Variants in UBAC2 observed in about 807,000 individuals in gnomAD.
The protein encoded by UBAC2 is ubiquitin-associated domain-containing protein 2.
UBAC2 carries 26 observed loss-of-function variants against 44.0 expected under a neutral mutation model. That is an observed-to-expected ratio of 0.59 (90% confidence interval 0.43 to 0.82). UBAC2 has a LOEUF of 0.82. Ranked by LOEUF, UBAC2 falls within the 40% of genes least tolerant of loss-of-function variation. The pLI, the probability that UBAC2 is intolerant of heterozygous loss-of-function variation, is 0.00. For missense variants in UBAC2, 329 were observed against 419.4 expected (o/e 0.78, Z 1.88); for synonymous variants, 155 against 154.3 (o/e 1.00, Z -0.04).
chr13:99,264,195 G>C (rs1246498613), intron 4 of UBAC2, among the ~76,000 whole-genome samples: 1 of 152,148 alleles, frequency 6.6e-6, no homozygotes, highest in Non-Finnish European at 1.5e-5. Context: ...TAAGCTTGAG[G>C]TTCCCTTACA....
Position 99,287,133 on chromosome 13 carries a change from G to T in UBAC2, c.390-26964G>T, listed in dbSNP as rs530115302. 1.7e-4 allele frequency among the ~76,000 whole-genome samples: 26 copies of T among 152,162 alleles called. No individual in the cohort carries two copies. In the South Asian group the frequency reaches 5.4e-3, roughly 32 times the overall value. On this transcript the variant is annotated intron_variant, in intron 4 of 8. Coordinates refer to ENST00000403766, the MANE Select transcript of UBAC2 (RefSeq NM_001144072.2). The stretch of plus-strand genomic sequence containing the variant: ...ACAAACTTCAAATAATTTGACAGTT[G>T]GATCCCTAATGGGACACTGGTTTCC...
chr13:99,379,359 AT>A (rs2045521426), intron 8 of UBAC2, among the ~76,000 whole-genome samples: 2 of 152,192 alleles, frequency 1.3e-5, no homozygotes, highest in Non-Finnish European at 2.9e-5. Context: ...CTGGCATCAG[AT>A]TTTTGTCAGC....
intron 4 of UBAC2, among the ~76,000 whole-genome samples, chr13:99,253,570 A>G (rs1313133313): frequency 4.6e-5 from 7 of 151,920 alleles, no homozygotes; most frequent in African/African-American, 7.3e-5. Flanking sequence ...CTGGAGTGCA[A>G]TGGCGCAATC....
chr13:99,291,887 C>T (rs948335522), intron 4 of UBAC2, among the ~76,000 whole-genome samples: 2 of 151,960 alleles, frequency 1.3e-5, no homozygotes, highest in African/African-American at 2.4e-5. Context: ...ATTTGAGGAC[C>T]TTCAATGTGT....
intron 7 of UBAC2, among the ~76,000 whole-genome samples, chr13:99,365,348 A>C (rs2045316944): frequency 6.6e-6 from 1 of 151,856 alleles, no homozygotes; most frequent in South Asian, 2.1e-4. Context: ...TCATTTTTTT[A>C]GATTATTGTT....
intron 1 of UBAC2, among the ~76,000 whole-genome samples, chr13:99,203,964 G>A (rs1389090071): frequency 1.3e-5 from 2 of 152,188 alleles, no homozygotes; most frequent in African/African-American, 4.8e-5. Context: ...AATTATGACC[G>A]GGTAAAAGTG....
chr13:99,252,060 A>G (rs1284284274), intron 4 of UBAC2, among the ~76,000 whole-genome samples: 2 of 151,898 alleles, frequency 1.3e-5, no homozygotes, highest in African/African-American at 4.8e-5. Flanking sequence ...ACCATGCCCA[A>G]CTCTTCTTTC....
At chr13:99,359,904 G>A (rs1274523885) in intron 7 of UBAC2, among the ~76,000 whole-genome samples, 1 of 152,174 alleles carries the variant, frequency 6.6e-6, no homozygotes, top group Non-Finnish European at 1.5e-5. Flanking sequence ...TAGACTGGAG[G>A]TGCCCCTGCT....
chr13:99,378,058 T>G (rs2045504275), intron 8 of UBAC2, among the ~76,000 whole-genome samples: 1 of 152,208 alleles, frequency 6.6e-6, no homozygotes, highest in African/African-American at 2.4e-5. Flanking sequence ...GCTGCTCTAG[T>G]CCTTCAGTAA....
chr13:99,365,051 T>C (rs1329891846), intron 7 of UBAC2, among the ~76,000 whole-genome samples: 1 of 152,244 alleles, frequency 6.6e-6, no homozygotes, highest in East Asian at 1.9e-4. Context: ...CTGTTTTCTC[T>C]AGAATAAGTT....
At chr13:99,315,427 G>C (rs2044475460) in intron 5 of UBAC2, among the ~76,000 whole-genome samples, 1 of 152,178 alleles carries the variant, frequency 6.6e-6, no homozygotes, top group Non-Finnish European at 1.5e-5. Flanking sequence ...AACCCTCTGA[G>C]CCTCACATTC....
At chr13:99,228,840 C>G (rs1387994691) in intron 1 of UBAC2, among the ~76,000 whole-genome samples, 1 of 152,198 alleles carries the variant, frequency 6.6e-6, no homozygotes, top group Admixed American at 6.5e-5. Context: ...AACCACTTTA[C>G]TAATGGTTCT....
chr13:99,330,914 T>C (rs1346222400), intron 6 of UBAC2, among the ~76,000 whole-genome samples: 2 of 152,216 alleles, frequency 1.3e-5, no homozygotes, highest in Admixed American at 6.5e-5. Flanking sequence ...TTTAAGAAAG[T>C]GCATGTAACT....
intron 1 of UBAC2, among the ~76,000 whole-genome samples, chr13:99,206,348 A>G (rs1274192287): frequency 6.6e-6 from 1 of 152,212 alleles, no homozygotes; most frequent in African/African-American, 2.4e-5. Flanking sequence ...GGATAGAGAA[A>G]GAGGAGGCAG....
At chr13:99,332,128 C>G (rs2044723679) in intron 6 of UBAC2, among the ~76,000 whole-genome samples, 1 of 151,858 alleles carries the variant, frequency 6.6e-6, no homozygotes, top group Admixed American at 6.6e-5. Flanking sequence ...GAATGTGGGA[C>G]CGGTGGTTGG....
intron 4 of UBAC2, among the ~76,000 whole-genome samples, chr13:99,279,953 T>TA (rs1379873638): frequency 2.0e-5 from 3 of 152,244 alleles, no homozygotes; most frequent in Non-Finnish European, 2.9e-5. Context: ...TTGGTTAGCA[T>TA]AGTGGCTCCC....
chr13:99,273,828 A>G (rs1225245806), intron 4 of UBAC2, among the ~76,000 whole-genome samples: 1 of 145,812 alleles, frequency 6.9e-6, no homozygotes, highest in Non-Finnish European at 1.5e-5. Context: ...CCTATTACCT[A>G]GATGTTCAGT....
chr13:99,229,052 T>C (rs2043144053), intron 1 of UBAC2, among the ~76,000 whole-genome samples: 1 of 152,226 alleles, frequency 6.6e-6, no homozygotes, highest in African/African-American at 2.4e-5. Context: ...TGGCTGTTAA[T>C]GATCTGGACG....
chr13:99,255,557 T>C (rs1213449237), intron 4 of UBAC2: 20 of 1,614,042 alleles, frequency 1.2e-5, no homozygotes, highest in Non-Finnish European at 1.6e-5. Flanking sequence ...AAAGCAATGC[T>C]TGGGTAAAAC....
Sources: allele counts gnomAD v4.1 joint callset (sites outside exome capture counted in the v4.1 genomes callset), GRCh38; gene constraint gnomAD v4.1.1; transcripts MANE v1.5; gene names NCBI Gene and HGNC (gene_info 2026-07-23, HGNC 2026-07-21).